The following SNX29 variants were observed in gnomAD, a reference collection of about 807,000 sequenced individuals.
SNX29 encodes sorting nexin 29.
SNX29 carries 78 observed loss-of-function variants against 102.1 expected under a neutral mutation model. The ratio of observed to expected loss-of-function variants is 0.76; its 90% confidence interval spans 0.64 to 0.92. The LOEUF is 0.92. SNX29 is among the 40% of genes least tolerant of loss of function. The pLI is 0.00. For missense variants in SNX29, 1,280 were observed against 1,061.7 expected, an observed-to-expected ratio of 1.21 and a Z score of -2.86; for synonymous variants, 580 against 414.5, an observed-to-expected ratio of 1.40 and a Z score of -4.85.
At chr16:12,355,702 A>G in intron 15 of SNX29, among the ~76,000 whole-genome samples, 1 of 152,164 alleles carries the variant, frequency 6.6e-6, no homozygotes, top group East Asian at 1.9e-4. Context: ...GAATAATTCA[A>G]TTTGGAAAAA....
At chr16:12,283,224 T>G (rs781590829) in intron 15 of SNX29, among the ~76,000 whole-genome samples, 4 of 152,150 alleles carry the variant, frequency 2.6e-5, no homozygotes, top group Non-Finnish European at 5.9e-5. Flanking sequence ...AGCAGCAGTG[T>G]TGATGGTTGT....
chr16:12,185,309 C>T (rs769647224), intron 13 of SNX29, among the ~76,000 whole-genome samples: 9 of 152,174 alleles, frequency 5.9e-5, no homozygotes, highest in African/African-American at 1.9e-4. Flanking sequence ...GCATCAAGTC[C>T]TTAGTGCCAG....
At chr16:12,250,574 A>C (rs189854659) in intron 14 of SNX29, among the ~76,000 whole-genome samples, 5 of 152,320 alleles carry the variant, frequency 3.3e-5, no homozygotes, top group African/African-American at 1.2e-4. Context: ...CTCGAAGCAC[A>C]ATGCAGAGCT....
At chr16:12,015,613 G>A (rs1443076689) in intron 3 of SNX29, among the ~76,000 whole-genome samples, 1 of 151,106 alleles carries the variant, frequency 6.6e-6, no homozygotes, top group Non-Finnish European at 1.5e-5. Context: ...TTGGCTCAGT[G>A]CAAGCTCCGC....
At chr16:12,389,419 G>A (rs1347632411) in intron 16 of SNX29, among the ~76,000 whole-genome samples, 1 of 152,068 alleles carries the variant, frequency 6.6e-6, no homozygotes, top group East Asian at 1.9e-4. Flanking sequence ...TGAGATCTGA[G>A]GGTTTTATAA....
At chr16:12,392,765 C>T (rs1221839481) in intron 16 of SNX29, among the ~76,000 whole-genome samples, 1 of 152,126 alleles carries the variant, frequency 6.6e-6, no homozygotes, top group Non-Finnish European at 1.5e-5. Context: ...AGAACAAAAA[C>T]AACAACAAAA....
chr16:12,149,925 AGAGGCAT>A (rs1479928878), intron 13 of SNX29, among the ~76,000 whole-genome samples: 1 of 152,162 alleles, frequency 6.6e-6, no homozygotes, highest in East Asian at 1.9e-4. Flanking sequence ...GCCAAGGGGG[AGAGGCAT>A]GAAGGAAGAT....
intron 20 of SNX29, among the ~76,000 whole-genome samples, chr16:12,535,430 C>A (rs995836832): frequency 5.3e-5 from 8 of 152,216 alleles, no homozygotes; most frequent in Admixed American, 5.2e-4. Flanking sequence ...CTGCGCCTGG[C>A]CAGCTTTTCA....
intron 9 of SNX29, among the ~76,000 whole-genome samples, chr16:12,061,972 T>A (rs1167471607): frequency 1.3e-5 from 2 of 152,132 alleles, no homozygotes; most frequent in African/African-American, 4.8e-5. Flanking sequence ...CCACAAATAG[T>A]GACCACGATT....
At chr16:12,531,107 C>T (rs956202706) in intron 20 of SNX29, among the ~76,000 whole-genome samples, 2 of 152,210 alleles carry the variant, frequency 1.3e-5, no homozygotes, top group African/African-American at 4.8e-5. Flanking sequence ...CCTGACATCA[C>T]TAAAGCCCAC....
chr16:12,262,864 G>A (rs962817731), intron 14 of SNX29, among the ~76,000 whole-genome samples: 1 of 152,190 alleles, frequency 6.6e-6, no homozygotes, highest in Non-Finnish European at 1.5e-5. Context: ...TCCAACTCCA[G>A]AACATTTTGA....
At chr16:12,147,650 G>A (rs1387413541) in intron 13 of SNX29, among the ~76,000 whole-genome samples, 1 of 152,178 alleles carries the variant, frequency 6.6e-6, no homozygotes, top group African/African-American at 2.4e-5. Flanking sequence ...CCAAGGAGCC[G>A]CAGCCCGTGG....
chr16:12,222,597 C>G (rs1197754526), intron 14 of SNX29, among the ~76,000 whole-genome samples: 2 of 151,976 alleles, frequency 1.3e-5, no homozygotes, highest in Non-Finnish European at 2.9e-5. Context: ...GAGACAGAGT[C>G]TCTCTCTGTC....
intron 15 of SNX29, among the ~76,000 whole-genome samples, chr16:12,340,192 C>T (rs1012233856): frequency 6.6e-6 from 1 of 152,214 alleles, no homozygotes; most frequent in Non-Finnish European, 1.5e-5. Flanking sequence ...TCCTCCCCTT[C>T]TTCTCCTTCC....
chr16:12,021,383 G>C (rs890525303), intron 3 of SNX29, among the ~76,000 whole-genome samples: 1 of 151,774 alleles, frequency 6.6e-6, no homozygotes, highest in Non-Finnish European at 1.5e-5. Context: ...CGGAGATCGC[G>C]CCACTGCACT....
chr16:12,568,836 A>G lies in SNX29; in HGVS notation c.*207A>G. 1 of 756,332 alleles carries G rather than the reference A, an allele frequency of 1.3e-6. No homozygotes were observed. Among genetic ancestry groups the G allele is most frequent in the African/African-American group, 1.8e-5 (1 of 56,614 alleles). 46.9% of individuals were successfully genotyped at this position (756,332 alleles called of 1,614,324 possible). A position where few individuals can be genotyped will look rare whatever the true frequency, so the allele number is the denominator to read the frequency against. ...CCGTGACCCGAGAGACCAAGGCAGC[A>G]CCTCGCTGGAGAGACTGGGACACAC... On this transcript the variant is annotated 3_prime_UTR_variant, in exon 21 of 21. Transcript: ENST00000566228.
In SNX29 at chr16:12,477,736, A is replaced by G; in HGVS notation, c.2055A>G (p.Lys685=). Residue 685 remains lysine, a synonymous_variant, in exon 19 of 21, where the codon AAA becomes AAG. Transcript: ENST00000566228. ...FHVYQVYIRI[K]DDEWNIYRRY... ...CTTGACAGGTCTACATCCGGATAAA[A>G]GACGATGAATGGAATATTTATCGCC... 6.2e-7 allele frequency: 1 copy of G among 1,612,158 alleles called. No homozygotes were observed. The highest frequency in any genetic ancestry group is 8.5e-7 in the Non-Finnish European group (1 of 1,179,438).
chr16:12,009,432 T>C lies in SNX29; in HGVS notation c.122+6389T>C, dbSNP rs149015985. On this transcript the variant is annotated intron_variant, in intron 3 of 20. Transcript: ENST00000566228. ...ATATATATATGTATACATGTATATA[T>C]ATATTTTTATATGTGTGTGTGTATA... Among the ~76,000 whole-genome samples, 458 of 150,420 alleles carry C rather than the reference T, an allele frequency of 3.0e-3. 3 individuals carry two copies. Among genetic ancestry groups the C allele is most frequent in the African/African-American group, 0.011 (439 of 40,762 alleles).
At chr16:12,338,391 G>A (rs533352936) in intron 15 of SNX29, among the ~76,000 whole-genome samples, 68 of 152,310 alleles carry the variant, frequency 4.5e-4, no homozygotes, top group African/African-American at 1.4e-3. Context: ...CCAGCAGAGG[G>A]ACTGCCTTCC....
Sources: allele counts gnomAD v4.1 joint callset (sites outside exome capture counted in the v4.1 genomes callset), GRCh38; gene constraint gnomAD v4.1.1; transcripts MANE v1.5; gene names NCBI Gene and HGNC (gene_info 2026-07-23, HGNC 2026-07-21).